Variants in WHRN observed in about 807,000 individuals in gnomAD.
The protein encoded by WHRN is whirlin.
WHRN carries 41 observed loss-of-function variants against 68.3 expected under a neutral mutation model. The ratio of observed to expected loss-of-function variants is 0.60; its 90% confidence interval spans 0.47 to 0.78. The LOEUF (loss-of-function observed/expected upper bound fraction) is 0.78, where lower values mean the gene tolerates loss of function less well. Among genes scored for constraint, WHRN ranks in the 30% least tolerant of loss-of-function variants. The probability of loss-of-function intolerance (pLI) is 0.00; values close to 1 mark genes in which losing one functional copy is unlikely to be tolerated. For missense variants in WHRN, 1,243 were observed against 1,244.7 expected, an observed-to-expected ratio of 1.00 and a Z score of 0.02; for synonymous variants, 560 against 561.3, an observed-to-expected ratio of 1.00 and a Z score of 0.03.
chr9:114,475,174 T>C (rs1841548364), intron 2 of WHRN, among the ~76,000 whole-genome samples: 1 of 152,144 alleles, frequency 6.6e-6, no homozygotes, highest in Admixed American at 6.5e-5. Flanking sequence ...AAATTAAAAG[T>C]AAGCAGAACC....
chr9:114,483,542 C>T (rs1842252267), intron 1 of WHRN, among the ~76,000 whole-genome samples: 1 of 152,056 alleles, frequency 6.6e-6, no homozygotes, highest in Admixed American at 6.5e-5. Flanking sequence ...ATCCCTGAGG[C>T]TCAGGCCACC....
chr9:114,408,780 TG>T (rs1835219917), intron 7 of WHRN, among the ~76,000 whole-genome samples: 1 of 152,230 alleles, frequency 6.6e-6, no homozygotes, highest in South Asian at 2.1e-4. Flanking sequence ...ACATTATTTC[TG>T]GGTGTGTCTG....
At position 114,403,969 on chromosome 9, in the gene WHRN, G is replaced by A. The variant is rs372472927; in HGVS notation, c.2345C>T (p.Ser782Leu). ...GCTACTCCTGCTCTTGGTGGACACCGACTGCCTTCCTCGGCCTGGGGCGCT... is the reference window on the plus strand; with the variant it reads ...GCTACTCCTGCTCTTGGTGGACACCAACTGCCTTCCTCGGCCTGGGGCGCT... Reference protein sequence around the residue: ...EASAPGRGRQSVSTKSRSSKE... With the variant: ...EASAPGRGRQLVSTKSRSSKE... The change falls in exon 10 of 12, where the codon TCG (serine) becomes TTG (leucine). Residue 782 changes from serine to leucine, a missense_variant. Coordinates refer to ENST00000362057, the MANE Select transcript of WHRN (RefSeq NM_015404.4). The A allele has an allele frequency of 1.4e-5, 23 of 1,611,310 alleles. No homozygotes were observed. The highest frequency in any genetic ancestry group is 9.3e-5 in the African/African-American group (7 of 74,870).
intron 2 of WHRN, among the ~76,000 whole-genome samples, chr9:114,477,939 C>A (rs913531781): frequency 6.6e-6 from 1 of 152,128 alleles, no homozygotes; most frequent in Admixed American, 6.5e-5. Flanking sequence ...GCCTCTCTTT[C>A]CCTTTCCTGG....
intron 1 of WHRN, among the ~76,000 whole-genome samples, chr9:114,481,831 C>A (rs1198437014): frequency 6.6e-6 from 1 of 152,092 alleles, no homozygotes; most frequent in Admixed American, 6.5e-5. Context: ...GAGGCATCAC[C>A]CAGCACACAT....
rs149297510 is a variant in WHRN at position 114,437,342 on chromosome 9, G to A, written c.964-10929C>T. ...AAGTTCATCTATACCCTGGGCATAA[G>A]GAAACATGTAACCTGACTCAAATTC... On this transcript the variant is annotated intron_variant, in intron 3 of 11. Coordinates refer to ENST00000362057, the MANE Select transcript of WHRN (RefSeq NM_015404.4). 3.0e-4 allele frequency among the ~76,000 whole-genome samples: 45 copies of A among 152,140 alleles called. No individual in the cohort carries two copies. In the East Asian group the frequency reaches 8.3e-3, roughly 28 times the overall value.
At chr9:114,435,016 C>T (rs749088475) in intron 3 of WHRN, among the ~76,000 whole-genome samples, 4 of 152,158 alleles carry the variant, frequency 2.6e-5, no homozygotes, top group Non-Finnish European at 4.4e-5. Context: ...CTGCCCAAAA[C>T]GTATTTCCCT....
chr9:114,406,260 T>G, intron 9 of WHRN, 95 bp downstream of exon 9: 1 of 1,562,668 alleles, frequency 6.4e-7, no homozygotes, highest in African/African-American at 1.3e-5. Context: ...CCTCAACAAG[T>G]AGCTGGTCCC....
At chr9:114,464,607 A>C (rs1276542982) in intron 3 of WHRN, among the ~76,000 whole-genome samples, 1 of 152,210 alleles carries the variant, frequency 6.6e-6, no homozygotes, top group African/African-American at 2.4e-5. Context: ...ATTTCAATAC[A>C]TGAATTTTGG....
At chr9:114,485,400 G>A (rs1029294317) in intron 1 of WHRN, among the ~76,000 whole-genome samples, 3 of 152,192 alleles carry the variant, frequency 2.0e-5, no homozygotes, top group African/African-American at 4.8e-5. Flanking sequence ...TATTTAAAAA[G>A]CAATTGCTGG....
At chr9:114,477,716 C>T (rs1463570624) in intron 2 of WHRN, among the ~76,000 whole-genome samples, 1 of 152,198 alleles carries the variant, frequency 6.6e-6, no homozygotes, top group African/African-American at 2.4e-5. Context: ...CCCTGAGATT[C>T]TCGGCTTCAA....
At chr9:114,426,847 C>T (rs1007854000) in intron 3 of WHRN, among the ~76,000 whole-genome samples, 7 of 152,116 alleles carry the variant, frequency 4.6e-5, no homozygotes, top group African/African-American at 1.7e-4. Context: ...CTTATATTAC[C>T]TTAAAATGTA....
At chr9:114,405,296 G>A (rs553797065) in intron 9 of WHRN, among the ~76,000 whole-genome samples, 2 of 152,074 alleles carry the variant, frequency 1.3e-5, no homozygotes, top group Non-Finnish European at 2.9e-5. Flanking sequence ...TCCTGAGGTC[G>A]AAATCCTGAC....
Position 114,505,060 on chromosome 9 carries a change from C to G in WHRN, c.-259G>C. The stretch of plus-strand genomic sequence containing the variant: ...GAGACGTCGGCGGGTTCCTGAGAGA[C>G]ACAAGAGTTGGCTGCTGGAGCCCGG... On this transcript the variant is annotated 5_prime_UTR_variant, in exon 1 of 12. Transcript: ENST00000362057. The G allele has an allele frequency of 2.2e-6, 1 of 448,052 alleles. No individual in the cohort carries two copies. 27.8% of individuals were successfully genotyped at this position (448,052 alleles called of 1,614,324 possible). A position where few individuals can be genotyped will look rare whatever the true frequency, so the allele number is the denominator to read the frequency against.
At position 114,406,763 on chromosome 9, in the gene WHRN, G is replaced by A. The variant is rs1397379175; in HGVS notation, c.1828C>T (p.Pro610Ser). The A allele has an allele frequency of 6.2e-7, 1 of 1,614,154 alleles. No homozygotes were observed. The highest frequency in any genetic ancestry group is 8.5e-7 in the Non-Finnish European group (1 of 1,179,998). ...CCCGAGCAGGAAGGCATGGAGGAAG[G>A]TGGCTGGAGGTCCTCTCTCCCCAGC... ...RKLGREDLQP[P>S]SSMPSCSGTV... Residue 610 changes from proline (P) to serine (S), a missense_variant, in exon 9 of 12, where the codon CCT (proline) becomes TCT (serine). Transcript: ENST00000362057.
chr9:114,503,876 C>A (rs944263176), intron 1 of WHRN, among the ~76,000 whole-genome samples: 2 of 152,198 alleles, frequency 1.3e-5, no homozygotes, highest in African/African-American at 2.4e-5. Flanking sequence ...TCTTTTAATG[C>A]TCATAAGAAT....
chr9:114,419,275 A>G (rs924627624), intron 7 of WHRN, among the ~76,000 whole-genome samples: 1 of 152,188 alleles, frequency 6.6e-6, no homozygotes, highest in East Asian at 1.9e-4. Context: ...CACAACTCCT[A>G]GCTCCTGGGA....
chr9:114,480,091 AAAG>A (rs957788776), intron 1 of WHRN, among the ~76,000 whole-genome samples: 25 of 152,270 alleles, frequency 1.6e-4, no homozygotes, highest in African/African-American at 5.5e-4. Flanking sequence ...AATTAAAAAA[AAAG>A]AAGTTCCTTT....
chr9:114,492,074 C>G (rs915003676), intron 1 of WHRN, among the ~76,000 whole-genome samples: 4 of 148,866 alleles, frequency 2.7e-5, no homozygotes, highest in Non-Finnish European at 5.9e-5. Flanking sequence ...AAACAGGATA[C>G]CTTTTTGTCT....
Sources: allele counts gnomAD v4.1 joint callset (sites outside exome capture counted in the v4.1 genomes callset), GRCh38; gene constraint gnomAD v4.1.1; transcripts MANE v1.5; gene names NCBI Gene and HGNC (gene_info 2026-07-23, HGNC 2026-07-21).